The following MYRFL variants were observed in gnomAD, a reference collection of about 807,000 sequenced individuals.
MYRFL encodes the protein myelin regulatory factor like.
In MYRFL, 88 loss-of-function variants were observed where a neutral mutation model predicts 109.4. The ratio of observed to expected loss-of-function variants is 0.80; its 90% CI spans 0.68 to 0.96. MYRFL has a LOEUF of 0.96. MYRFL is among the 40% of genes least tolerant of loss of function. The pLI is 0.00. For missense variants in MYRFL, 957 were observed against 954.9 expected (o/e 1.00, Z -0.03); for synonymous variants, 324 against 320.9 (o/e 1.01, Z -0.10).
chr12:69,825,315 C>A lies in MYRFL; in HGVS notation c.-203C>A. The stretch of plus-strand genomic sequence containing the variant: ...TTTTTTTAAATGTATGGTTGTATAT[C>A]CTTCCAGTTTTATAATCACATTTGA... On this transcript the variant is annotated 5_prime_UTR_variant, in exon 1 of 25. Transcript: ENST00000552032. 1.4e-6 allele frequency: 1 copy of A among 694,288 alleles called. No individual in the cohort carries two copies. The highest frequency in any genetic ancestry group is 2.7e-5 in the East Asian group (1 of 37,008). The allele number at this position is 694,288 out of a possible 1,614,324, so 43.0% of individuals were successfully genotyped here.
intron 13 of MYRFL, among the ~76,000 whole-genome samples, chr12:69,914,422 A>T (rs1253551680): frequency 2.0e-5 from 3 of 152,172 alleles, no homozygotes; most frequent in Non-Finnish European, 1.5e-5. Flanking sequence ...CAAGCTGCCA[A>T]GGTGGGGGCT....
At chr12:69,891,667 T>TTCTTTCTTTCTTTCTTTCTA (rs1886887886) in intron 7 of MYRFL, among the ~76,000 whole-genome samples, 1 of 98,416 alleles carries the variant, frequency 1.0e-5, no homozygotes, top group African/African-American at 3.9e-5. Context: ...CTTTCTTTCT[T>TTCTTTCTTTCTTTCTTTCTA]TCTTTCTTTC....
chr12:69,900,001 T>G (rs997899893), intron 10 of MYRFL, among the ~76,000 whole-genome samples: 12 of 152,140 alleles, frequency 7.9e-5, no homozygotes, highest in Non-Finnish European at 1.8e-4. Context: ...CTAAAATACT[T>G]AATTAAACCT....
intron 1 of MYRFL, among the ~76,000 whole-genome samples, chr12:69,849,108 G>A (rs1278742162): frequency 6.6e-6 from 1 of 152,250 alleles, no homozygotes; most frequent in East Asian, 1.9e-4. Context: ...CTGGGCTTAA[G>A]TGATCTGCCC....
At chr12:69,884,034 T>C (rs1445079288) in intron 5 of MYRFL, among the ~76,000 whole-genome samples, 2 of 152,182 alleles carry the variant, frequency 1.3e-5, no homozygotes, top group African/African-American at 2.4e-5. Context: ...AGGGGGCATG[T>C]AGGTGTCTCC....
chr12:69,849,721 T>A (rs1478110348), intron 1 of MYRFL, among the ~76,000 whole-genome samples: 1 of 152,234 alleles, frequency 6.6e-6, no homozygotes, highest in African/African-American at 2.4e-5. Flanking sequence ...TTGAGTTGAT[T>A]TTGGCAATTT....
At chr12:69,832,869 A>C (rs1272834861) in intron 1 of MYRFL, among the ~76,000 whole-genome samples, 3 of 151,780 alleles carry the variant, frequency 2.0e-5, no homozygotes, top group African/African-American at 7.3e-5. Context: ...GTTTAGGATG[A>C]TGCCTAGGTG....
intron 16 of MYRFL, 63 bp from the exon 17 acceptor site, chr12:69,936,050 A>G (rs949869875): frequency 6.8e-7 from 1 of 1,472,026 alleles, no homozygotes; most frequent in Non-Finnish European, 8.9e-7. Context: ...TGTGTGAGAT[A>G]TATCTGGAAA....
At chr12:69,888,994 G>A (rs1886626053) in intron 6 of MYRFL, among the ~76,000 whole-genome samples, 1 of 152,170 alleles carries the variant, frequency 6.6e-6, no homozygotes, top group African/African-American at 2.4e-5. Context: ...GGTAGTCAAT[G>A]ACTCAGTAAC....
intron 10 of MYRFL, among the ~76,000 whole-genome samples, chr12:69,898,998 C>T (rs1354172616): frequency 2.0e-5 from 3 of 152,072 alleles, no homozygotes; most frequent in East Asian, 3.8e-4. Flanking sequence ...GATTCGTATT[C>T]GGTGTGAGTA....
chr12:69,949,211 CTGAAACT>C (rs902122546), intron 19 of MYRFL, among the ~76,000 whole-genome samples: 1 of 150,978 alleles, frequency 6.6e-6, no homozygotes, highest in African/African-American at 2.4e-5. Context: ...GCTTTCTATC[CTGAAACT>C]TGAACATAGA....
intron 1 of MYRFL, among the ~76,000 whole-genome samples, chr12:69,832,114 C>T (rs1396943059): frequency 1.3e-5 from 2 of 152,074 alleles, no homozygotes; most frequent in East Asian, 3.9e-4. Flanking sequence ...AAAGTTGTAG[C>T]AGGTTGTTTC....
At chr12:69,874,716 A>G (rs1885553933) in intron 2 of MYRFL, among the ~76,000 whole-genome samples, 1 of 152,100 alleles carries the variant, frequency 6.6e-6, no homozygotes, top group Admixed American at 6.5e-5. Flanking sequence ...TTCATTGGAT[A>G]TCAAATTCTG....
chr12:69,870,046 A>G (rs972597142), intron 2 of MYRFL, among the ~76,000 whole-genome samples: 1 of 151,266 alleles, frequency 6.6e-6, no homozygotes, highest in African/African-American at 2.4e-5. Flanking sequence ...AGGAGTTTAG[A>G]AGGCAAATTA....
intron 1 of MYRFL, among the ~76,000 whole-genome samples, chr12:69,835,691 A>G (rs1049418639): frequency 1.3e-5 from 2 of 152,166 alleles, no homozygotes; most frequent in African/African-American, 2.4e-5. Flanking sequence ...AAACAAATCT[A>G]TTGATAAGTC....
chr12:69,927,273 C>A (rs527464420), intron 14 of MYRFL, among the ~76,000 whole-genome samples: 2 of 152,110 alleles, frequency 1.3e-5, no homozygotes, highest in South Asian at 2.1e-4. Flanking sequence ...TGGAAAAAAA[C>A]CATGAGACAT....
At chr12:69,846,476 T>C (rs1592694343) in intron 1 of MYRFL, among the ~76,000 whole-genome samples, 1 of 152,080 alleles carries the variant, frequency 6.6e-6, no homozygotes, top group South Asian at 2.1e-4. Context: ...GATAGTTCAC[T>C]GAGAATGATG....
At chr12:69,955,123 T>C (rs1956063596) in intron 21 of MYRFL, among the ~76,000 whole-genome samples, 1 of 152,182 alleles carries the variant, frequency 6.6e-6, no homozygotes, top group African/African-American at 2.4e-5. Flanking sequence ...TTCTGTGTGT[T>C]CTAAAAAACT....
chr12:69,955,167 T>C (rs1956064709), intron 21 of MYRFL, among the ~76,000 whole-genome samples, 196 bp from the exon 22 acceptor site: 1 of 152,142 alleles, frequency 6.6e-6, no homozygotes, highest in East Asian at 1.9e-4. Context: ...TATTAAGACC[T>C]GAAAGAGATC....
Sources: allele counts gnomAD v4.1 joint callset (sites outside exome capture counted in the v4.1 genomes callset), GRCh38; gene constraint gnomAD v4.1.1; transcripts MANE v1.5; gene names NCBI Gene and HGNC (gene_info 2026-07-23, HGNC 2026-07-21).